ZNF469: variants seen among roughly 807,000 people sequenced by gnomAD.
The protein encoded by ZNF469 is zinc finger protein 469.
Under a neutral mutation model 1.0 loss-of-function variants are expected in ZNF469, and 1 was observed. The ratio of observed to expected loss-of-function variants is 1.00; its 90% CI spans 0.35 to 4.73. The LOEUF (loss-of-function observed/expected upper bound fraction) is 4.73, where lower values mean the gene tolerates loss of function less well. Among genes scored for constraint, ZNF469 ranks in the 30% most tolerant of loss-of-function variants. The pLI, the probability that ZNF469 is intolerant of heterozygous loss-of-function variation, is 0.16. For synonymous variants in ZNF469, 2,703 were observed against 2,363.4 expected, an observed-to-expected ratio of 1.14 and a Z score of -4.17; for missense variants, 6,100 against 5,356.3, an observed-to-expected ratio of 1.14 and a Z score of -4.33.
At chr16:88,135,759 T>C in the ZNF469 span, among the ~76,000 whole-genome samples, 8,355 of 127,348 alleles carry the variant, frequency 0.066, 1,618 homozygotes, top group Admixed American at 0.11. Context: ...TTTTTTTTTT[T>C]TTTTTTTTTT....
At position 88,428,968 on chromosome 16, in the gene ZNF469, A is replaced by G. The variant is rs1410746464; in HGVS notation, c.1498A>G (p.Met500Val). 6.5e-7 allele frequency: 1 copy of G among 1,548,310 alleles called. No homozygotes were observed. Among genetic ancestry groups the G allele is most frequent in the South Asian group, 1.2e-5 (1 of 83,986 alleles). ...CCGGCCAAGTCCCCACGGAATGGAG[A>G]TGCTGAGCCGGCTGCCTTTCCCCGC... ...TARPSPHGMEMLSRLPFPAGG... is the reference protein window; with the variant it reads ...TARPSPHGMEVLSRLPFPAGG... Residue 500 changes from methionine (M) to valine (V), a missense_variant, in exon 3 of 3, where the codon ATG (methionine) becomes GTG (valine). Transcript: ENST00000565624.
the ZNF469 span, among the ~76,000 whole-genome samples, chr16:88,175,693 C>T: frequency 6.8e-4 from 104 of 152,162 alleles, 1 homozygote; most frequent in Non-Finnish European, 8.7e-4. Flanking sequence ...CAGTTAAAGC[C>T]GCACTTCAGA....
chr16:88,351,422 A>C, the ZNF469 span, among the ~76,000 whole-genome samples: 44,252 of 151,834 alleles, frequency 0.29, 7,286 homozygotes, highest in African/African-American at 0.45. Flanking sequence ...CTGAGACCTT[A>C]CTCAGCCCCA....
At chr16:88,296,314 G>T in the ZNF469 span, among the ~76,000 whole-genome samples, 3,937 of 152,290 alleles carry the variant, frequency 0.026, 175 homozygotes, top group African/African-American at 0.089. Flanking sequence ...TGAGAGACAG[G>T]CTCCAGCTGC....
intron 1 of ZNF469, among the ~76,000 whole-genome samples, chr16:88,384,272 T>A (rs1317270241): frequency 1.3e-5 from 2 of 152,216 alleles, no homozygotes; most frequent in African/African-American, 4.8e-5. Flanking sequence ...CCCTGCCCAT[T>A]CTGCCAAGAG....
chr16:88,438,088 GGTT>G lies in ZNF469; in HGVS notation c.10621_10623del (p.Cys3541del), dbSNP rs1411701735. The stretch of plus-strand genomic sequence containing the variant: ...AGACCCCGTGACCCACCCGATCAGA[GGTT>G]GTGAGCTGCCATCCAACCACCAGGA... On this transcript the variant is annotated inframe_deletion, in exon 3 of 3. Transcript: ENST00000565624. 1 of 1,550,436 alleles carries G rather than the reference GGTT, an allele frequency of 6.4e-7. No individual in the cohort carries two copies. Among genetic ancestry groups the G allele is most frequent in the South Asian group, 1.2e-5 (1 of 84,068 alleles).
the ZNF469 span, among the ~76,000 whole-genome samples, chr16:88,201,151 T>C: frequency 6.6e-6 from 1 of 152,266 alleles, no homozygotes; most frequent in Non-Finnish European, 1.5e-5. This position sits in a 1 kb window ranked among gnomAD's most constrained non-coding sequence, Gnocchi z 5.0. Flanking sequence ...TCAGTTTACC[T>C]GTCCGGACCA....
At chr16:88,147,114 C>A in the ZNF469 span, among the ~76,000 whole-genome samples, 3 of 152,070 alleles carry the variant, frequency 2.0e-5, no homozygotes, top group Non-Finnish European at 4.4e-5. Flanking sequence ...CCCTGGATTC[C>A]CTGTCATCTC....
chr16:88,211,501 C>T, the ZNF469 span, among the ~76,000 whole-genome samples: 1 of 151,828 alleles, frequency 6.6e-6, no homozygotes, highest in East Asian at 1.9e-4. Flanking sequence ...TATTGTATTC[C>T]GAACGTTGTT....
chr16:88,278,237 C>T, the ZNF469 span, among the ~76,000 whole-genome samples: 4 of 25,968 alleles, frequency 1.5e-4, 1 homozygote, highest in African/African-American at 8.5e-4. Context: ...GTCACACCGA[C>T]GCTCGGTCAG....
chr16:88,243,585 C>G, the ZNF469 span, among the ~76,000 whole-genome samples: 1 of 152,090 alleles, frequency 6.6e-6, no homozygotes, highest in Admixed American at 6.6e-5. Context: ...CCTTCAACCC[C>G]ATGGTCCCTG....
At chr16:88,241,834 C>T in the ZNF469 span, among the ~76,000 whole-genome samples, 1 of 152,188 alleles carries the variant, frequency 6.6e-6, no homozygotes, top group Admixed American at 6.5e-5. This position sits in a 1 kb window ranked among gnomAD's most constrained non-coding sequence, Gnocchi z 4.8. Context: ...GGTGAGGGAC[C>T]TGCTCCAGCA....
chr16:88,437,205 C>T lies in ZNF469; in HGVS notation c.9735C>T (p.Ala3245=). ...AACACCACAGGGGCAAGCGCTCCGC[C>T]GGCAAGGCCGCCGGGAGCCCGGGAG... ...APKHHRGKRS[A]GKAAGSPGDP... The change falls in exon 3 of 3, where the codon GCC becomes GCT. Residue 3245 remains alanine (A), a synonymous_variant. Coordinates refer to ENST00000565624, the MANE Select transcript of ZNF469 (RefSeq NM_001367624.2). 1.9e-6 allele frequency: 3 copies of T among 1,549,454 alleles called. No individual in the cohort carries two copies. The highest frequency in any genetic ancestry group is 1.2e-5 in the South Asian group (1 of 84,030).
In ZNF469 at chr16:88,429,242, C is replaced by T. The variant is rs1278717128; in HGVS notation, c.1772C>T (p.Ser591Phe). 1 of 1,549,784 alleles carries T rather than the reference C, an allele frequency of 6.5e-7. No individual in the cohort carries two copies. Among genetic ancestry groups the T allele is most frequent in the East Asian group, 2.4e-5 (1 of 40,904 alleles). Residue 591 changes from serine to phenylalanine, a missense_variant, in exon 3 of 3, where the codon TCC becomes TTC. Ser to Phe is a radical substitution (Grantham distance 155). Transcript: ENST00000565624. The stretch of plus-strand genomic sequence containing the variant: ...GTAGTGGGAGCCTCCCCCAGCGAGT[C>T]CCCACTGCCGTCACCGGCCACCAAC... ...PRVVGASPSE[S>F]PLPSPATNTA...
At chr16:88,136,594 G>A in the ZNF469 span, among the ~76,000 whole-genome samples, 11 of 152,364 alleles carry the variant, frequency 7.2e-5, no homozygotes, top group Admixed American at 3.9e-4. Flanking sequence ...CAGATGTAGC[G>A]TGGGCCCCGC....
chr16:88,201,033 G>A, the ZNF469 span, among the ~76,000 whole-genome samples: 1 of 152,192 alleles, frequency 6.6e-6, no homozygotes, highest in Non-Finnish European at 1.5e-5. The surrounding 1 kb of genome is among the most constrained non-coding windows in gnomAD (Gnocchi z 5.0). Context: ...TCATCAAGCG[G>A]GCTGGAGCCA....
chr16:88,406,638 C>A (rs1420224792), intron 1 of ZNF469, among the ~76,000 whole-genome samples: 1 of 152,208 alleles, frequency 6.6e-6, no homozygotes, highest in East Asian at 1.9e-4. Flanking sequence ...TGACCCCACG[C>A]GCCTGCAGCC....
At chr16:88,335,067 G>A in the ZNF469 span, among the ~76,000 whole-genome samples, 4 of 152,242 alleles carry the variant, frequency 2.6e-5, no homozygotes, top group African/African-American at 4.8e-5. Flanking sequence ...GAAGAGGCAG[G>A]GAGGACCCAC....
rs944970083 is a variant in ZNF469, at chr16:88,429,960, G to A, written c.2490G>A (p.Ser830=). 3.9e-6 allele frequency: 6 copies of A among 1,550,230 alleles called. No homozygotes were observed. The highest frequency in any genetic ancestry group is 1.2e-5 in the South Asian group (1 of 84,056). Residue 830 remains serine (S), a synonymous_variant, in exon 3 of 3, where the codon TCG becomes TCA. Transcript: ENST00000565624. ...LAATPFPLPA[S]DLDMEDDAKL... ...CCACCCCCTTCCCGCTCCCTGCCTC[G>A]GACCTGGACATGGAGGATGACGCCA...
Sources: gnomAD v4.1 joint callset for allele counts (sites outside exome capture counted in the v4.1 genomes callset) on GRCh38, gnomAD v4.1.1 for gene constraint, Gnocchi (gnomAD v3.1) non-coding constraint, MANE v1.5 for transcripts, NCBI Gene and HGNC (gene_info 2026-07-23, HGNC 2026-07-21) for gene names.